RANBP17: variants seen among roughly 807,000 people sequenced by gnomAD.
RANBP17 encodes RAN binding protein 17.
A neutral mutation model predicts 141.2 loss-of-function variants in RANBP17; 158 were observed. That is an observed-to-expected ratio of 1.12 (90% CI 0.98 to 1.28). The LOEUF (loss-of-function observed/expected upper bound fraction) is 1.28. Ranked by LOEUF, RANBP17 falls within the 50% of genes most tolerant of loss-of-function variation. The pLI is 0.00. For missense variants in RANBP17, 1,438 were observed against 1,290.7 expected (o/e 1.11, Z -1.75); for synonymous variants, 430 against 450.0 (o/e 0.96, Z 0.56).
rs780097021 is a variant in RANBP17 at position 171,215,977 on chromosome 5, G to T, written c.2339+2239G>T. ...TTGGTGTTTTCATCATGAAGTCTTT[G>T]CCCATGCCTATGTCCTGAATGGTAT... On this transcript the variant is annotated intron_variant, in intron 21 of 27. Coordinates refer to ENST00000523189, the MANE Select transcript of RANBP17 (RefSeq NM_022897.5). Among the ~76,000 whole-genome samples, 11 of 152,100 alleles carry T rather than the reference G, an allele frequency of 7.2e-5. 1 individual carries two copies. The highest frequency in any genetic ancestry group is 1.3e-4 in the Non-Finnish European group (9 of 68,024).
intron 12 of RANBP17, chr5:170,925,034 T>G (rs887086011): frequency 1.3e-5 from 2 of 152,270 alleles, no homozygotes. Context: ...GGTATTTATT[T>G]CTGTATATCC....
chr5:171,106,485 G>A (rs958684046), intron 14 of RANBP17, among the ~76,000 whole-genome samples: 1 of 152,128 alleles, frequency 6.6e-6, no homozygotes, highest in Non-Finnish European at 1.5e-5. Flanking sequence ...GCACTATATA[G>A]CCCACCAGTT....
At chr5:171,193,268 G>A (rs1295305982) in intron 18 of RANBP17, among the ~76,000 whole-genome samples, 4 of 152,178 alleles carry the variant, frequency 2.6e-5, no homozygotes, top group African/African-American at 4.8e-5. Context: ...AATTGAATAT[G>A]TCTTGTATAT....
intron 24 of RANBP17, among the ~76,000 whole-genome samples, chr5:171,248,781 C>G (rs1327294403): frequency 6.6e-6 from 1 of 152,178 alleles, no homozygotes; most frequent in Non-Finnish European, 1.5e-5. Context: ...TGACATTCCC[C>G]AGTGTCCACC....
chr5:171,288,918 C>T (rs1768323036), intron 25 of RANBP17, among the ~76,000 whole-genome samples: 1 of 152,184 alleles, frequency 6.6e-6, no homozygotes, highest in East Asian at 1.9e-4. Context: ...AGGCTGTACA[C>T]ACAAAAACAA....
At chr5:170,862,845 G>C (rs1766929855) in intron 1 of RANBP17, among the ~76,000 whole-genome samples, 1 of 152,158 alleles carries the variant, frequency 6.6e-6, no homozygotes, top group African/African-American at 2.4e-5. Flanking sequence ...TACTATCCTC[G>C]CCCTCATACA....
intron 24 of RANBP17, among the ~76,000 whole-genome samples, chr5:171,247,545 G>A (rs1006871081): frequency 7.2e-5 from 11 of 152,142 alleles, no homozygotes; most frequent in South Asian, 2.1e-4. Flanking sequence ...ATGACTTGCC[G>A]AATATTCCAA....
At chr5:171,149,322 C>T (rs561287176) in intron 14 of RANBP17, among the ~76,000 whole-genome samples, 81 of 152,304 alleles carry the variant, frequency 5.3e-4, no homozygotes, top group African/African-American at 1.8e-3. Flanking sequence ...TATTTTCTCC[C>T]CAAAATCCCA....
At chr5:171,088,953 T>C (rs1193409425) in intron 14 of RANBP17, among the ~76,000 whole-genome samples, 1 of 151,818 alleles carries the variant, frequency 6.6e-6, no homozygotes, top group Non-Finnish European at 1.5e-5. Context: ...GAAGCCTTCT[T>C]CTCTCAGCTC....
At chr5:171,214,547 T>G (rs567422742) in intron 21 of RANBP17, among the ~76,000 whole-genome samples, 4 of 152,256 alleles carry the variant, frequency 2.6e-5, no homozygotes, top group South Asian at 4.1e-4. Context: ...GGGAAGGGTA[T>G]GGGTTGCAGC....
At chr5:171,117,519 G>T (rs1755720849) in intron 14 of RANBP17, among the ~76,000 whole-genome samples, 1 of 151,892 alleles carries the variant, frequency 6.6e-6, no homozygotes, top group South Asian at 2.1e-4. Context: ...TATTTTTGGA[G>T]GATGGAGTCT....
At chr5:170,987,167 T>C (rs535812374) in intron 14 of RANBP17, among the ~76,000 whole-genome samples, 13 of 151,906 alleles carry the variant, frequency 8.6e-5, no homozygotes, top group African/African-American at 3.1e-4. Context: ...TATTTCAGCA[T>C]GCCAAATATA....
At chr5:170,862,480 C>G (rs993398068) in intron 1 of RANBP17, among the ~76,000 whole-genome samples, 1 of 152,222 alleles carries the variant, frequency 6.6e-6, no homozygotes, top group Non-Finnish European at 1.5e-5. Context: ...GTCGCCGGCG[C>G]GGCTCTATCG....
rs761600097 is a variant in RANBP17, at chr5:170,916,597, T to C, written c.954+13T>C. 1 of 1,507,188 alleles carries C rather than the reference T, an allele frequency of 6.6e-7. No homozygotes were observed. Among genetic ancestry groups the C allele is most frequent in the Non-Finnish European group, 9.0e-7 (1 of 1,110,816 alleles). 93.4% of individuals were successfully genotyped at this position (1,507,188 alleles called of 1,614,324 possible). On this transcript the variant is annotated intron_variant, in intron 9 of 27. Coordinates refer to ENST00000523189, the MANE Select transcript of RANBP17 (RefSeq NM_022897.5). The stretch of plus-strand genomic sequence containing the variant: ...TGAAAACCCTCAGGTATTTATGAAG[T>C]AATTTAATACTTAGCATATAGAGAT...
intron 22 of RANBP17, among the ~76,000 whole-genome samples, chr5:171,230,328 C>A (rs576209314): frequency 6.6e-6 from 1 of 152,222 alleles, no homozygotes; most frequent in East Asian, 1.9e-4. Context: ...TTACAAAGCA[C>A]ATAAATATAG....
rs369428690 is a variant in RANBP17 at position 171,234,258 on chromosome 5, T to C, written c.2423-6670T>C. On this transcript the variant is annotated intron_variant, in intron 22 of 27. Coordinates refer to ENST00000523189, the MANE Select transcript of RANBP17 (RefSeq NM_022897.5). ...AAGTGGTAGAGTCTTAAGGCGGGAG[T>C]GTATCTAGCTTGTCTGAAGGGCAGC... 1.3e-3 allele frequency among the ~76,000 whole-genome samples: 196 copies of C among 151,784 alleles called. 9 individuals are homozygous for C. In the South Asian group the frequency reaches 0.039, roughly 31 times the overall value.
chr5:171,287,753 G>T (rs1768261417), intron 25 of RANBP17, among the ~76,000 whole-genome samples: 1 of 151,950 alleles, frequency 6.6e-6, no homozygotes, highest in African/African-American at 2.4e-5. Flanking sequence ...TTGAGATGGA[G>T]TCTCACTCTG....
chr5:171,292,290 G>A (rs1768539334), intron 25 of RANBP17, among the ~76,000 whole-genome samples: 1 of 152,206 alleles, frequency 6.6e-6, no homozygotes, highest in African/African-American at 2.4e-5. Context: ...TGTATAGAAT[G>A]GCAGACGTTT....
chr5:171,072,980 T>G (rs1784714550), intron 14 of RANBP17, among the ~76,000 whole-genome samples: 1 of 152,054 alleles, frequency 6.6e-6, no homozygotes, highest in African/African-American at 2.4e-5. Flanking sequence ...TGTATAGTAT[T>G]ATTCCATTTA....
Sources: gnomAD v4.1 joint callset for allele counts (sites outside exome capture counted in the v4.1 genomes callset) on GRCh38, gnomAD v4.1.1 for gene constraint, MANE v1.5 for transcripts, NCBI Gene and HGNC (gene_info 2026-07-23, HGNC 2026-07-21) for gene names.